GSK3B: variants seen among roughly 807,000 people sequenced by gnomAD.
The protein encoded by GSK3B is glycogen synthase kinase-3 beta.
In GSK3B, 15 loss-of-function variants were observed where a neutral mutation model predicts 56.4. That is an observed-to-expected ratio of 0.27 (90% CI 0.18 to 0.41). The LOEUF (loss-of-function observed/expected upper bound fraction) is 0.41, where lower values mean the gene tolerates loss of function less well. Among genes scored for constraint, GSK3B ranks in the 10% least tolerant of loss-of-function variants. The pLI, the probability that GSK3B is intolerant of heterozygous loss-of-function variation, is 1.00. For missense variants in GSK3B, 300 were observed against 513.4 expected (o/e 0.58, Z 4.02); for synonymous variants, 181 against 188.9 (o/e 0.96, Z 0.34).
intron 1 of GSK3B, among the ~76,000 whole-genome samples, chr3:120,053,990 A>C (rs961285836): frequency 1.3e-5 from 2 of 152,208 alleles, no homozygotes; most frequent in Non-Finnish European, 2.9e-5. Context: ...TACAGCCCTG[A>C]ACTGTTGTAT....
intron 1 of GSK3B, among the ~76,000 whole-genome samples, chr3:120,049,264 T>C (rs537054740): frequency 1.3e-5 from 2 of 152,344 alleles, no homozygotes; most frequent in South Asian, 4.1e-4. Context: ...GCAATCCATT[T>C]ATTCAGTCAA....
At chr3:119,996,970 TATC>T (rs2057624443) in intron 2 of GSK3B, among the ~76,000 whole-genome samples, 1 of 152,166 alleles carries the variant, frequency 6.6e-6, no homozygotes, top group Non-Finnish European at 1.5e-5. Context: ...GACTGAATAT[TATC>T]ATGTTTATAT....
intron 1 of GSK3B, among the ~76,000 whole-genome samples, chr3:120,031,731 C>A (rs2057977732): frequency 1.3e-5 from 2 of 152,238 alleles, no homozygotes; most frequent in African/African-American, 4.8e-5. Flanking sequence ...ACTCTTTCCA[C>A]TACTTCTTAA....
At chr3:120,014,466 T>C (rs2057806690) in intron 1 of GSK3B, among the ~76,000 whole-genome samples, 1 of 152,154 alleles carries the variant, frequency 6.6e-6, no homozygotes, top group South Asian at 2.1e-4. Flanking sequence ...GGGCTTTATT[T>C]ATGATGCGGA....
intron 3 of GSK3B, among the ~76,000 whole-genome samples, chr3:119,936,716 A>G (rs2056998717): frequency 6.6e-6 from 1 of 151,900 alleles, no homozygotes; most frequent in African/African-American, 2.4e-5. Flanking sequence ...ACACAAATGC[A>G]CCAATCAACA....
At chr3:119,837,964 A>G (rs975622800) in intron 10 of GSK3B, among the ~76,000 whole-genome samples, 3 of 144,988 alleles carry the variant, frequency 2.1e-5, no homozygotes, top group Non-Finnish European at 4.5e-5. Context: ...ATATATATAT[A>G]TATATATTTC....
intron 1 of GSK3B, among the ~76,000 whole-genome samples, chr3:120,005,422 G>A (rs2057718299): frequency 6.6e-6 from 1 of 152,014 alleles, no homozygotes; most frequent in Non-Finnish European, 1.5e-5. Flanking sequence ...AGGAAATACA[G>A]AGACCACCAC....
intron 2 of GSK3B, among the ~76,000 whole-genome samples, chr3:119,958,759 T>C (rs2057241010): frequency 6.6e-6 from 1 of 151,918 alleles, no homozygotes; most frequent in South Asian, 2.1e-4. Flanking sequence ...ATTAAAAAGA[T>C]TTTTAATGAA....
chr3:119,920,966 C>T (rs2056834889), intron 4 of GSK3B, among the ~76,000 whole-genome samples: 1 of 152,198 alleles, frequency 6.6e-6, no homozygotes, highest in Non-Finnish European at 1.5e-5. Context: ...AGCATCCAGA[C>T]TGTGGTCTCT....
chr3:119,952,387 C>T (rs910145499), intron 2 of GSK3B, among the ~76,000 whole-genome samples: 11 of 150,006 alleles, frequency 7.3e-5, no homozygotes, highest in Admixed American at 1.3e-4. Context: ...ACTCGGGAGG[C>T]GGAGGCAGGA....
chr3:120,017,791 C>T (rs1407276550), intron 1 of GSK3B, among the ~76,000 whole-genome samples: 1 of 152,148 alleles, frequency 6.6e-6, no homozygotes, highest in Non-Finnish European at 1.5e-5. Context: ...ACACTGGGGG[C>T]GTCCCATTTT....
Position 119,871,604 on chromosome 3 carries a change from G to C in GSK3B, c.909+4809C>G, listed in dbSNP as rs537186445. 2.0e-5 allele frequency among the ~76,000 whole-genome samples: 3 copies of C among 152,308 alleles called. No homozygotes were observed. The South Asian group carries it at 6.2e-4, about 32-fold the overall frequency. ...AATGAGAAAATATTTCATGGGAGAA[G>C]TGAGATTTGAGAACTTAAGAAAGGT... On this transcript the variant is annotated intron_variant, in intron 8 of 10. Coordinates refer to ENST00000264235, the MANE Select transcript of GSK3B (RefSeq NM_001146156.2).
At position 119,947,256 on chromosome 3, in the gene GSK3B, T is replaced by G. The variant is rs199894212; in HGVS notation, c.366+12A>C. 5.0e-6 allele frequency: 7 copies of G among 1,410,484 alleles called. No individual in the cohort carries two copies. Among genetic ancestry groups the G allele is most frequent in the South Asian group, 2.3e-5 (2 of 86,872 alleles). The allele number at this position is 1,410,484 out of a possible 1,614,324, so 87.4% of individuals were successfully genotyped here. A position where few individuals can be genotyped will look rare whatever the true frequency, so the allele number is the denominator to read the frequency against. On this transcript the variant is annotated intron_variant, in intron 3 of 10. Transcript: ENST00000264235. ...ATCACAATATTCAGTACACACTTTGTGTCAAACCTACCTTCTCACCACTGG... is the reference window on the plus strand; with the variant it reads ...ATCACAATATTCAGTACACACTTTGGGTCAAACCTACCTTCTCACCACTGG...
chr3:119,833,652 T>G (rs1411636544), intron 10 of GSK3B, among the ~76,000 whole-genome samples: 2 of 151,742 alleles, frequency 1.3e-5, no homozygotes, highest in African/African-American at 4.8e-5. Context: ...TTTTGTGTTT[T>G]ACATGCACTT....
At chr3:119,949,941 T>C (rs946821366) in intron 2 of GSK3B, among the ~76,000 whole-genome samples, 7 of 152,004 alleles carry the variant, frequency 4.6e-5, no homozygotes, top group African/African-American at 1.7e-4. Flanking sequence ...TTATACGACA[T>C]TCATGTGAGG....
chr3:119,935,374 T>C (rs2056983794), intron 3 of GSK3B, among the ~76,000 whole-genome samples: 1 of 152,260 alleles, frequency 6.6e-6, no homozygotes, highest in African/African-American at 2.4e-5. Context: ...GTCAACCTGA[T>C]CAAGGTACCA....
rs559498455 is a variant in GSK3B at position 119,903,182 on chromosome 3, T to C, written c.813+2573A>G. ...TGTGTGGTAACTTCCAGTCAATAAA[T>C]GGATGGTAAACTACTACTGGTAATT... On this transcript the variant is annotated intron_variant, in intron 7 of 10. Transcript: ENST00000264235. Among the ~76,000 whole-genome samples, 7 of 152,302 alleles carry C rather than the reference T, an allele frequency of 4.6e-5. No homozygotes were observed. The South Asian group carries it at 1.2e-3, about 27-fold the overall frequency.
rs76263256 is a variant in GSK3B, at chr3:119,842,143, C to T, written c.1195+1112G>A. Among the ~76,000 whole-genome samples, 1,408 of 152,260 alleles carry T rather than the reference C, an allele frequency of 9.2e-3. 4 individuals carry two copies. The highest frequency in any genetic ancestry group is 0.016 in the Non-Finnish European group (1,088 of 68,022). On this transcript the variant is annotated intron_variant, in intron 10 of 10. Transcript: ENST00000264235. ...ACTGTGCTACCTATTATGTTTCTAA[C>T]TTAAAACTTTTAAGTTTTAAAAGCA...
At chr3:119,881,294 A>G (rs144696343) in intron 7 of GSK3B, among the ~76,000 whole-genome samples, 29 of 152,304 alleles carry the variant, frequency 1.9e-4, no homozygotes, top group African/African-American at 5.5e-4. Context: ...AATAAAAAAC[A>G]TAAGTATATT....
Sources: gnomAD v4.1 joint callset for allele counts (sites outside exome capture counted in the v4.1 genomes callset) on GRCh38, gnomAD v4.1.1 for gene constraint, MANE v1.5 for transcripts, NCBI Gene and HGNC (gene_info 2026-07-23, HGNC 2026-07-21) for gene names.